The following TMEFF1 variants were observed in gnomAD, a reference collection of about 807,000 sequenced individuals.
TMEFF1 encodes tomoregulin-1.
In TMEFF1, 20 loss-of-function variants were observed where a neutral mutation model predicts 47.5. The ratio of observed to expected loss-of-function variants is 0.42; its 90% CI spans 0.30 to 0.61. The LOEUF (loss-of-function observed/expected upper bound fraction) is 0.61. TMEFF1 is among the 20% of genes least tolerant of loss of function. The pLI is 0.19. For synonymous variants in TMEFF1, 162 were observed against 166.3 expected (o/e 0.97, Z 0.20); for missense variants, 411 against 471.1 (o/e 0.87, Z 1.18).
At chr9:100,502,300 A>T (rs1837776635) in intron 2 of TMEFF1, among the ~76,000 whole-genome samples, 1 of 151,752 alleles carries the variant, frequency 6.6e-6, no homozygotes, top group African/African-American at 2.4e-5. Context: ...TCTTAGTTTC[A>T]TTTTCATTTT....
intron 1 of TMEFF1, among the ~76,000 whole-genome samples, chr9:100,477,926 C>T (rs773534315): frequency 1.6e-4 from 24 of 152,152 alleles, no homozygotes; most frequent in Non-Finnish European, 2.6e-4. Flanking sequence ...TGCGCCCGGC[C>T]TGCATTTCTC....
At chr9:100,567,436 C>T (rs919932401) in intron 8 of TMEFF1, among the ~76,000 whole-genome samples, 21 of 152,210 alleles carry the variant, frequency 1.4e-4, no homozygotes, top group African/African-American at 4.8e-4. Context: ...CCCACATCCC[C>T]TGTAGTGCAT....
chr9:100,515,107 A>G (rs1278699619), intron 4 of TMEFF1, among the ~76,000 whole-genome samples: 1 of 152,204 alleles, frequency 6.6e-6, no homozygotes, highest in Admixed American at 6.5e-5. Flanking sequence ...TTGAGGCTGC[A>G]GTGAGTGGTG....
At chr9:100,505,619 T>A (rs538730692) in intron 2 of TMEFF1, among the ~76,000 whole-genome samples, 74 of 152,254 alleles carry the variant, frequency 4.9e-4, no homozygotes, top group Admixed American at 4.8e-3. Flanking sequence ...AGAAGTTGTG[T>A]GGTACTTGCT....
At chr9:100,516,347 T>C (rs1447987391) in intron 4 of TMEFF1, among the ~76,000 whole-genome samples, 2 of 152,162 alleles carry the variant, frequency 1.3e-5, no homozygotes, top group African/African-American at 4.8e-5. Flanking sequence ...AATGTATTGC[T>C]CCTGTCTCTT....
chr9:100,575,758 A>G (rs1839340631), intron 9 of TMEFF1, among the ~76,000 whole-genome samples: 1 of 152,108 alleles, frequency 6.6e-6, no homozygotes, highest in Admixed American at 6.6e-5. Context: ...ACAGTTAGTT[A>G]TTAGCAGAGC....
At chr9:100,565,192 C>T (rs150517314) in intron 8 of TMEFF1, among the ~76,000 whole-genome samples, 118 of 152,268 alleles carry the variant, frequency 7.7e-4, no homozygotes, top group African/African-American at 2.6e-3. Flanking sequence ...CATTCCCTCT[C>T]TAGCATATCC....
chr9:100,549,997 G>C, intron 6 of TMEFF1, 98 bp from the exon 7 acceptor site: 1 of 1,410,516 alleles, frequency 7.1e-7, no homozygotes, highest in South Asian at 1.5e-5. Context: ...GGGGGCAGAG[G>C]TTAAGAAGAA....
intron 5 of TMEFF1, among the ~76,000 whole-genome samples, chr9:100,524,784 G>A (rs1838225666): frequency 6.6e-6 from 1 of 152,088 alleles, no homozygotes; most frequent in Non-Finnish European, 1.5e-5. Context: ...TGGGGCACAT[G>A]TGCACAACGT....
intron 5 of TMEFF1, among the ~76,000 whole-genome samples, chr9:100,531,440 A>C (rs1053140402): frequency 3.3e-5 from 5 of 152,194 alleles, no homozygotes; most frequent in African/African-American, 1.2e-4. Context: ...TTATACACCA[A>C]CAACAGACAA....
chr9:100,488,501 G>A (rs1837491188), intron 1 of TMEFF1, among the ~76,000 whole-genome samples: 1 of 152,192 alleles, frequency 6.6e-6, no homozygotes, highest in Non-Finnish European at 1.5e-5. Flanking sequence ...GAGAGGTTGT[G>A]CCACTATGTA....
intron 2 of TMEFF1, 136 bp from the exon 3 acceptor site, chr9:100,508,869 G>T: frequency 2.2e-6 from 2 of 897,876 alleles, no homozygotes; most frequent in Non-Finnish European, 2.9e-6. Context: ...TTCTTTTTAA[G>T]CCAAAAAAAA....
intron 9 of TMEFF1, among the ~76,000 whole-genome samples, chr9:100,574,557 T>A (rs1175271499): frequency 6.6e-6 from 1 of 151,956 alleles, no homozygotes; most frequent in Admixed American, 6.6e-5. Context: ...TTTTTTTTTT[T>A]GTAGAGACTG....
intron 5 of TMEFF1, among the ~76,000 whole-genome samples, chr9:100,541,348 A>G (rs7857521): frequency 0.21 from 22,473 of 106,612 alleles, 2,053 homozygotes; most frequent in African/African-American, 0.31. Flanking sequence ...TGGCAATTTC[A>G]TTTTTTTTTT....
intron 5 of TMEFF1, among the ~76,000 whole-genome samples, chr9:100,527,521 C>T (rs959553367): frequency 1.4e-4 from 22 of 152,210 alleles, no homozygotes; most frequent in African/African-American, 4.6e-4. Flanking sequence ...CCGAATACTG[C>T]GCTTTTCCGA....
intron 5 of TMEFF1, among the ~76,000 whole-genome samples, chr9:100,533,541 C>T (rs60526043): frequency 0.022 from 3,301 of 151,990 alleles, 102 homozygotes; most frequent in African/African-American, 0.068. Flanking sequence ...GAAAAGCTTG[C>T]GTTATCAATT....
intron 5 of TMEFF1, among the ~76,000 whole-genome samples, chr9:100,523,162 T>C (rs1838196932): frequency 6.6e-6 from 1 of 152,240 alleles, no homozygotes; most frequent in South Asian, 2.1e-4. Flanking sequence ...TTGAACACTT[T>C]CTTACCCACT....
At chr9:100,573,526 T>C (rs930375229) in intron 9 of TMEFF1, among the ~76,000 whole-genome samples, 4 of 152,172 alleles carry the variant, frequency 2.6e-5, no homozygotes, top group Non-Finnish European at 5.9e-5. Context: ...TGCTTCCCAG[T>C]CTAATGCTTT....
At chr9:100,508,782 T>C (rs1315249119) in intron 2 of TMEFF1, among the ~76,000 whole-genome samples, 1 of 152,054 alleles carries the variant, frequency 6.6e-6, no homozygotes. Flanking sequence ...AGATAGAGAT[T>C]TTCATTCTCA....
Sources: allele counts gnomAD v4.1 joint callset (sites outside exome capture counted in the v4.1 genomes callset), GRCh38; gene constraint gnomAD v4.1.1; transcripts MANE v1.5; gene names NCBI Gene and HGNC (gene_info 2026-07-23, HGNC 2026-07-21).